The following NT5DC3 variants were observed in gnomAD, a reference collection of about 807,000 sequenced individuals.
NT5DC3 encodes 5'-nucleotidase domain containing 3.
In NT5DC3, 42 loss-of-function variants were observed where a neutral mutation model predicts 67.8. That is an observed-to-expected ratio of 0.62 (90% CI 0.48 to 0.80). NT5DC3 has a LOEUF of 0.80. Among genes scored for constraint, NT5DC3 ranks in the 30% least tolerant of loss-of-function variants. The probability of loss-of-function intolerance (pLI) is 0.00; values close to 1 mark genes in which losing one functional copy is unlikely to be tolerated. For synonymous variants in NT5DC3, 237 were observed against 255.6 expected (o/e 0.93, Z 0.69); for missense variants, 570 against 696.4 (o/e 0.82, Z 2.04).
At chr12:103,757,030 T>TAA in the NT5DC3 span, among the ~76,000 whole-genome samples, 32 of 143,058 alleles carry the variant, frequency 2.2e-4, no homozygotes, top group East Asian at 4.1e-4. Context: ...TATATATATA[T>TAA]AAAATATATA....
chr12:103,762,822 G>A, the NT5DC3 span, among the ~76,000 whole-genome samples: 1 of 152,234 alleles, frequency 6.6e-6, no homozygotes, highest in East Asian at 1.9e-4. Context: ...ACAGCCAGAG[G>A]CTTTATGCTG....
chr12:103,746,605 G>A, the NT5DC3 span: 3 of 1,614,040 alleles, frequency 1.9e-6, no homozygotes, highest in Non-Finnish European at 2.5e-6. Flanking sequence ...AGTTTTGCCT[G>A]CAGTGTGTAC....
At chr12:103,806,492 G>T in intron 3 of NT5DC3, 115 bp from the exon 4 acceptor site, 1 of 742,820 alleles carries the variant, frequency 1.3e-6, no homozygotes, top group East Asian at 2.6e-5. Context: ...TAACAAGGAA[G>T]CACACTGTAT....
chr12:103,795,149 G>C (rs1312042486), intron 6 of NT5DC3, among the ~76,000 whole-genome samples: 1 of 152,196 alleles, frequency 6.6e-6, no homozygotes, highest in Non-Finnish European at 1.5e-5. Flanking sequence ...GCAGTTAAAT[G>C]CAAGTCAGAC....
intron 4 of NT5DC3, among the ~76,000 whole-genome samples, chr12:103,802,847 G>A (rs755187211): frequency 7.2e-5 from 11 of 152,178 alleles, no homozygotes; most frequent in Non-Finnish European, 1.6e-4. Context: ...AGAGTTTAAA[G>A]CAGGTTGATA....
chr12:103,753,130 C>G, the NT5DC3 span: 1 of 1,537,780 alleles, frequency 6.5e-7, no homozygotes, highest in Admixed American at 1.9e-5. Context: ...TATAGCTGGC[C>G]TTCATTTTGA....
chr12:103,783,791 C>CAA lies in NT5DC3; in HGVS notation c.1329+1543_1329+1544insTT, dbSNP rs1566099798. Among the ~76,000 whole-genome samples, 32 of 104,866 alleles carry CAA rather than the reference C, an allele frequency of 3.1e-4. No homozygotes were observed. In the East Asian group the frequency reaches 0.023, roughly 74 times the overall value. 68.8% of individuals were successfully genotyped at this position (104,866 alleles called of 152,430 possible). ...TCAGAAAAAGGAAAACAAAATAAAA[C>CAA]CAAAAAAAAAAAAAACCTCTTTCCA... On this transcript the variant is annotated intron_variant, in intron 12 of 13. Coordinates refer to ENST00000392876, the MANE Select transcript of NT5DC3 (RefSeq NM_001031701.3).
the NT5DC3 span, chr12:103,759,032 C>T: frequency 2.5e-6 from 4 of 1,592,326 alleles, no homozygotes; most frequent in Non-Finnish European, 3.4e-6. Context: ...GCAGGAAAGC[C>T]TAGGCCATGA....
At chr12:103,750,743 G>A in the NT5DC3 span, 1 of 1,600,550 alleles carries the variant, frequency 6.2e-7, no homozygotes, top group Non-Finnish European at 8.5e-7. Flanking sequence ...AGGGCCTATG[G>A]CCCAAAGCAC....
chr12:103,748,599 CACACAT>C, the NT5DC3 span, among the ~76,000 whole-genome samples: 1,463 of 38,070 alleles, frequency 0.038, 8 homozygotes, highest in South Asian at 0.11. Context: ...CACACACACA[CACACAT>C]ACACACACAC....
Position 103,778,598 on chromosome 12 carries a change from C to T in NT5DC3, c.1395-517G>A, listed in dbSNP as rs563145530. ...GGCATGGCAGGTGGATCACTTGCGC[C>T]CTGGCCCACCAGCATGGGCAACATA... On this transcript the variant is annotated intron_variant, in intron 13 of 13. Coordinates refer to ENST00000392876, the MANE Select transcript of NT5DC3 (RefSeq NM_001031701.3). Among the ~76,000 whole-genome samples, 9 of 151,876 alleles carry T rather than the reference C, an allele frequency of 5.9e-5. No individual in the cohort carries two copies. The East Asian group carries it at 1.7e-3, about 29-fold the overall frequency.
downstream of NT5DC3, chr12:103,768,967 C>A (rs57739230): frequency 0.018 from 2,674 of 152,222 alleles, 90 homozygotes; most frequent in East Asian, 0.17. Context: ...TCTTCCCACG[C>A]TGCCCTCTGA....
the NT5DC3 span, chr12:103,761,474 A>G: frequency 1.4e-5 from 20 of 1,422,292 alleles, no homozygotes; most frequent in Non-Finnish European, 2.0e-5. Flanking sequence ...ACCAACAGGC[A>G]AACCATTACC....
the NT5DC3 span, among the ~76,000 whole-genome samples, chr12:103,747,272 G>A: frequency 6.6e-6 from 1 of 152,280 alleles, no homozygotes; most frequent in East Asian, 1.9e-4. Context: ...CTCTATAGTA[G>A]TTAGGATATA....
the NT5DC3 span, among the ~76,000 whole-genome samples, chr12:103,749,711 G>A: frequency 6.6e-6 from 1 of 151,432 alleles, no homozygotes; most frequent in South Asian, 2.1e-4. Flanking sequence ...ATGGTGGCGG[G>A]CACCTGTAGT....
chr12:103,825,702 G>A (rs1887664852), intron 1 of NT5DC3, among the ~76,000 whole-genome samples: 1 of 152,190 alleles, frequency 6.6e-6, no homozygotes, highest in African/African-American at 2.4e-5. Context: ...TTGAGCCCAG[G>A]AGTTCAAGGC....
chr12:103,840,171 A>G (rs1888319013), intron 1 of NT5DC3, among the ~76,000 whole-genome samples: 2 of 152,142 alleles, frequency 1.3e-5, no homozygotes, highest in Admixed American at 1.3e-4. Flanking sequence ...CCTCCTTCGT[A>G]GATTACAGGA....
chr12:103,755,558 C>T, the NT5DC3 span: 1 of 1,610,582 alleles, frequency 6.2e-7, no homozygotes, highest in Non-Finnish European at 8.5e-7. Flanking sequence ...AGAAGCAGTG[C>T]AGCCCTGGCC....
chr12:103,796,860 A>C, intron 6 of NT5DC3, 34 bp downstream of exon 6: 1 of 1,612,608 alleles, frequency 6.2e-7, no homozygotes, highest in Non-Finnish European at 8.5e-7. Flanking sequence ...GCTGAAACAG[A>C]CTCAGCACTG....
Sources: gnomAD v4.1 joint callset for allele counts (sites outside exome capture counted in the v4.1 genomes callset) on GRCh38, gnomAD v4.1.1 for gene constraint, MANE v1.5 for transcripts, NCBI Gene and HGNC (gene_info 2026-07-23, HGNC 2026-07-21) for gene names.